Variants in HIVEP3 observed in about 807,000 individuals in gnomAD.
The protein encoded by HIVEP3 is transcription factor HIVEP3.
In HIVEP3, 49 loss-of-function variants were observed where a neutral mutation model predicts 152.8. That is an observed-to-expected ratio of 0.32 (90% CI 0.26 to 0.41). The LOEUF (loss-of-function observed/expected upper bound fraction) is 0.41. HIVEP3 is among the 10% of genes least tolerant of loss of function. HIVEP3 has a pLI of 1.00. For missense variants in HIVEP3, 2,790 were observed against 3,103.3 expected, an observed-to-expected ratio of 0.90 and a Z score of 2.40; for synonymous variants, 1,269 against 1,289.0, an observed-to-expected ratio of 0.98 and a Z score of 0.33.
intron 2 of HIVEP3, among the ~76,000 whole-genome samples, chr1:41,653,588 C>A (rs1378167174): frequency 6.6e-6 from 1 of 152,138 alleles, no homozygotes; most frequent in African/African-American, 2.4e-5. Context: ...AGATATCCTA[C>A]CCTTTTAAAA....
At chr1:41,612,912 C>A (rs1317143524) in intron 3 of HIVEP3, among the ~76,000 whole-genome samples, 1 of 152,208 alleles carries the variant, frequency 6.6e-6, no homozygotes, top group Non-Finnish European at 1.5e-5. Flanking sequence ...AACCGATAAA[C>A]CATGTTTCTT....
At chr1:41,514,782 A>G (rs999053075) in intron 7 of HIVEP3, among the ~76,000 whole-genome samples, 1 of 152,252 alleles carries the variant, frequency 6.6e-6, no homozygotes, top group East Asian at 1.9e-4. Context: ...CAAAATTGTG[A>G]TACTTGTTTC....
At chr1:41,623,662 T>C (rs1645076877) in intron 3 of HIVEP3, among the ~76,000 whole-genome samples, 1 of 152,178 alleles carries the variant, frequency 6.6e-6, no homozygotes. Flanking sequence ...CCTGGGTCTG[T>C]GGGCTTTGCC....
At chr1:41,802,842 T>A (rs982286168) in intron 1 of HIVEP3, among the ~76,000 whole-genome samples, 42 of 152,230 alleles carry the variant, frequency 2.8e-4, no homozygotes, top group Admixed American at 6.5e-5. Flanking sequence ...CTGCTCTTAC[T>A]GAGTTGCTAA....
At chr1:41,938,780 C>G (rs1451605978) in intron 1 of HIVEP3, among the ~76,000 whole-genome samples, 1 of 152,122 alleles carries the variant, frequency 6.6e-6, no homozygotes, top group African/African-American at 2.4e-5. Context: ...TTCTCATAAC[C>G]TAAATACAAA....
chr1:41,866,346 C>G (rs939564858), intron 1 of HIVEP3, among the ~76,000 whole-genome samples: 2 of 152,216 alleles, frequency 1.3e-5, no homozygotes, highest in Non-Finnish European at 2.9e-5. Context: ...CTTCAAGAGC[C>G]AAAGATTCTC....
intron 4 of HIVEP3, among the ~76,000 whole-genome samples, chr1:41,577,201 GACA>G (rs758619880): frequency 2.4e-4 from 37 of 152,314 alleles, no homozygotes; most frequent in Admixed American, 5.9e-4. Context: ...AGCTTTTGAT[GACA>G]ACAATATGAA....
At chr1:41,780,803 C>CT (rs1648998986) in intron 1 of HIVEP3, among the ~76,000 whole-genome samples, 1 of 152,234 alleles carries the variant, frequency 6.6e-6, no homozygotes, top group Non-Finnish European at 1.5e-5. Context: ...AGGAGGAAGG[C>CT]TATGCTAAGC....
chr1:41,529,635 C>T (rs1382035906), intron 5 of HIVEP3, among the ~76,000 whole-genome samples: 1 of 143,194 alleles, frequency 7.0e-6, no homozygotes, highest in Non-Finnish European at 1.5e-5. Flanking sequence ...CCCCCCACAC[C>T]CTCACACACC....
Position 41,662,592 on chromosome 1 carries a change from G to C in HIVEP3, c.-720-33645C>G, listed in dbSNP as rs1570255007. Among the ~76,000 whole-genome samples, 1 of 151,154 alleles carries C rather than the reference G, an allele frequency of 6.6e-6. No homozygotes were observed. The highest frequency in any genetic ancestry group is 2.4e-5 in the African/African-American group (1 of 41,214). On this transcript the variant is annotated intron_variant, in intron 2 of 8. Coordinates refer to ENST00000372583, the MANE Select transcript of HIVEP3 (RefSeq NM_024503.5). The surrounding 1 kb of genome is among the most constrained non-coding windows in gnomAD (Gnocchi z 7.2). The stretch of plus-strand genomic sequence containing the variant: ...CAGATGGGCCCGGGCGCGGCTGGCG[G>C]CTGCCAGGGGAGGGTCTCCTCGCCC...
chr1:41,975,909 A>C (rs946030906), intron 1 of HIVEP3, among the ~76,000 whole-genome samples: 1 of 152,316 alleles, frequency 6.6e-6, no homozygotes, highest in Middle Eastern at 3.4e-3. Flanking sequence ...GCATGTTCAG[A>C]GATCAAGGGC....
At chr1:41,594,050 A>AT (rs1169066156) in intron 3 of HIVEP3, among the ~76,000 whole-genome samples, 22 of 152,088 alleles carry the variant, frequency 1.4e-4, no homozygotes, top group Admixed American at 5.9e-4. Context: ...TTGTGATTAC[A>AT]TTGAGTCCAC....
chr1:41,513,099 A>G lies in HIVEP3; in HGVS notation c.6122T>C (p.Leu2041Pro), dbSNP rs1164845671. 1.9e-6 allele frequency: 3 copies of G among 1,613,706 alleles called. No individual in the cohort carries two copies. The highest frequency in any genetic ancestry group is 1.7e-6 in the Non-Finnish European group (2 of 1,180,036). ...LQLSPLTLCPLGRELAPRAHV... is the reference protein window; with the variant it reads ...LQLSPLTLCPPGRELAPRAHV... Reference sequence around the variant, plus strand: ...TGCTCGAGGGGCCAGTTCTCTTCCCAGGGGGCAGAGGGTGAGAGGAGACAG... The same window carrying G: ...TGCTCGAGGGGCCAGTTCTCTTCCCGGGGGGCAGAGGGTGAGAGGAGACAG... The change falls in exon 8 of 9, where the codon CTG becomes CCG. Residue 2041 changes from leucine (L) to proline (P), a missense_variant. Coordinates refer to ENST00000372583, the MANE Select transcript of HIVEP3 (RefSeq NM_024503.5).
At chr1:41,883,200 CACTG>C (rs1375145857) in intron 1 of HIVEP3, among the ~76,000 whole-genome samples, 1 of 152,004 alleles carries the variant, frequency 6.6e-6, no homozygotes, top group Non-Finnish European at 1.5e-5. Flanking sequence ...GACTCACAGA[CACTG>C]ACTGGCTGGG....
chr1:41,935,461 A>C (rs1645015568), intron 1 of HIVEP3, among the ~76,000 whole-genome samples: 1 of 152,064 alleles, frequency 6.6e-6, no homozygotes, highest in Non-Finnish European at 1.5e-5. Flanking sequence ...GAAATGCCTT[A>C]TTAGCTGAGT....
intron 1 of HIVEP3, among the ~76,000 whole-genome samples, chr1:42,014,086 G>A (rs1645507994): frequency 6.6e-6 from 1 of 152,170 alleles, no homozygotes; most frequent in African/African-American, 2.4e-5. Flanking sequence ...AAGTTTCACA[G>A]ATAAAGGGGT....
chr1:41,999,500 G>C (rs945789387), intron 1 of HIVEP3, among the ~76,000 whole-genome samples: 1 of 152,142 alleles, frequency 6.6e-6, no homozygotes, highest in African/African-American at 2.4e-5. Flanking sequence ...GGGCATTCAA[G>C]TCAGTGCCAT....
At position 41,988,514 on chromosome 1, in the gene HIVEP3, A is replaced by G. The variant is rs528840657; in HGVS notation, n.119+47293T>C. On this transcript the variant is annotated intron_variant and non_coding_transcript_variant, in intron 1 of 3. Coordinates refer to the HIVEP3 transcript ENST00000489103. Reference sequence around the variant, plus strand: ...AAATGTAAATTAAAATCGCAATTAGATATTACTTCACAACAGTTAGGATAG... The same window carrying G: ...AAATGTAAATTAAAATCGCAATTAGGTATTACTTCACAACAGTTAGGATAG... Among the ~76,000 whole-genome samples, 198 of 152,356 alleles carry G rather than the reference A, an allele frequency of 1.3e-3. 2 individuals are homozygous for G. The highest frequency in any genetic ancestry group is 4.2e-3 in the African/African-American group (176 of 41,596).
intron 5 of HIVEP3, among the ~76,000 whole-genome samples, chr1:41,534,304 C>T (rs1187239703): frequency 1.3e-5 from 2 of 152,146 alleles, no homozygotes; most frequent in Non-Finnish European, 2.9e-5. Flanking sequence ...TCTGCCCTTG[C>T]CACCTCCCCA....
Sources: allele counts gnomAD v4.1 joint callset (sites outside exome capture counted in the v4.1 genomes callset), GRCh38; gene constraint gnomAD v4.1.1; non-coding constraint Gnocchi (gnomAD v3.1); transcripts MANE v1.5; gene names NCBI Gene and HGNC (gene_info 2026-07-23, HGNC 2026-07-21).